HTT-AS: variants seen among roughly 807,000 people sequenced by gnomAD.
HTT-AS encodes HTT antisense RNA (head to head).
chr4:3,066,197 G>T (rs759021975), intron 1 of HTT-AS, among the ~76,000 whole-genome samples: 9 of 151,882 alleles, frequency 5.9e-5, no homozygotes, highest in African/African-American at 2.2e-4. Flanking sequence ...TTGAGGTGGC[G>T]TCTCACTCTG....
At chr4:3,061,095 C>A (rs562506963) in intron 2 of HTT-AS, among the ~76,000 whole-genome samples, 1 of 152,234 alleles carries the variant, frequency 6.6e-6, no homozygotes, top group African/African-American at 2.4e-5. Context: ...ATTTCCTTGG[C>A]ATGAGGCAAT....
At chr4:3,048,823 G>T (rs1448391701), downstream of HTT-AS, among the ~76,000 whole-genome samples, 1 of 152,246 alleles carries the variant, frequency 6.6e-6, no homozygotes, top group Non-Finnish European at 1.5e-5. Context: ...TCTAAACCAT[G>T]GAAAAGTGAT....
rs117437899 is a variant in HTT-AS at position 3,067,451 on chromosome 4, C to T, written n.114-3751G>A. Among the ~76,000 whole-genome samples the T allele has an allele frequency of 3.1e-4, 47 of 152,258 alleles. No individual in the cohort carries two copies. In the East Asian group the frequency reaches 6.6e-3, roughly 21 times the overall value. On this transcript the variant is annotated intron_variant and non_coding_transcript_variant, in intron 1 of 2. Coordinates refer to ENST00000664062, the Ensembl canonical transcript of HTT-AS. ...CAAACACCATCAACAATACACAGGA[C>T]AGGCATAAGATGCATTTAATGGGGA...
At chr4:3,051,453 T>A (rs1711702387) in intron 2 of HTT-AS, among the ~76,000 whole-genome samples, 1 of 152,040 alleles carries the variant, frequency 6.6e-6, no homozygotes, top group Non-Finnish European at 1.5e-5. Flanking sequence ...CTTTTGCCTG[T>A]GGTTCAATGA....
chr4:3,051,635 C>T (rs1033264281), intron 2 of HTT-AS, among the ~76,000 whole-genome samples: 1 of 135,814 alleles, frequency 7.4e-6, no homozygotes, highest in African/African-American at 2.6e-5. Flanking sequence ...TCTGTGTGTT[C>T]AAACTGGTTG....
chr4:3,050,627 T>C (rs1711684256), intron 2 of HTT-AS, among the ~76,000 whole-genome samples: 2 of 152,156 alleles, frequency 1.3e-5, no homozygotes, highest in Non-Finnish European at 2.9e-5. Context: ...AAAAACACAA[T>C]TGACAAGGAA....
downstream of HTT-AS, among the ~76,000 whole-genome samples, chr4:3,047,049 C>T (rs926991771): frequency 7.2e-5 from 11 of 152,196 alleles, no homozygotes; most frequent in Non-Finnish European, 1.3e-4. Context: ...CAGTGGCTTA[C>T]GCCTATAATC....
chr4:3,064,372 G>C (rs937811664), intron 1 of HTT-AS, among the ~76,000 whole-genome samples: 1 of 152,130 alleles, frequency 6.6e-6, no homozygotes, highest in Non-Finnish European at 1.5e-5. Flanking sequence ...GGGATTACAG[G>C]CATGAGCCAC....
chr4:3,051,035 T>A (rs936421658), intron 2 of HTT-AS, among the ~76,000 whole-genome samples: 3 of 118,084 alleles, frequency 2.5e-5, no homozygotes, highest in Admixed American at 2.4e-4. Context: ...ACAATTTGTG[T>A]GTGTGTGTGT....
chr4:3,067,178 C>T (rs1712072479), intron 1 of HTT-AS, among the ~76,000 whole-genome samples: 1 of 152,078 alleles, frequency 6.6e-6, no homozygotes, highest in Non-Finnish European at 1.5e-5. Flanking sequence ...GATGACACTA[C>T]CCAGAATAAG....
chr4:3,063,136 G>A (rs117821744), exon 2 of HTT-AS, among the ~76,000 whole-genome samples: 1 of 152,280 alleles, frequency 6.6e-6, no homozygotes, highest in East Asian at 1.9e-4. Context: ...GTGCTACAAA[G>A]GAAGGGAGGT....
chr4:3,047,982 G>C (rs1003591864), downstream of HTT-AS, among the ~76,000 whole-genome samples: 5 of 152,190 alleles, frequency 3.3e-5, no homozygotes, highest in Non-Finnish European at 7.4e-5. Context: ...TGACTTGCGT[G>C]ACCTGACCTA....
chr4:3,047,059 C>G (rs938242196), downstream of HTT-AS, among the ~76,000 whole-genome samples: 2 of 152,208 alleles, frequency 1.3e-5, no homozygotes, highest in Non-Finnish European at 2.9e-5. Flanking sequence ...CGCCTATAAT[C>G]CCAGCACTTT....
downstream of HTT-AS, among the ~76,000 whole-genome samples, chr4:3,047,108 G>A (rs1375274250): frequency 2.6e-5 from 4 of 152,146 alleles, no homozygotes; most frequent in Non-Finnish European, 4.4e-5. Flanking sequence ...TCAGGAGATC[G>A]AGACCATCCT....
At chr4:3,057,544 A>T (rs910174497) in intron 2 of HTT-AS, among the ~76,000 whole-genome samples, 2 of 152,222 alleles carry the variant, frequency 1.3e-5, no homozygotes, top group African/African-American at 2.4e-5. Flanking sequence ...AAGTAAGTTT[A>T]CTAAGAAAGC....
At chr4:3,068,068 G>A (rs1310205496) in intron 1 of HTT-AS, among the ~76,000 whole-genome samples, 1 of 152,132 alleles carries the variant, frequency 6.6e-6, no homozygotes, top group Non-Finnish European at 1.5e-5. Context: ...CACTTTGGGA[G>A]GCCGAGGCGG....
chr4:3,062,242 C>T (rs1021777976), intron 2 of HTT-AS, among the ~76,000 whole-genome samples: 3 of 152,114 alleles, frequency 2.0e-5, no homozygotes, highest in African/African-American at 7.2e-5. Flanking sequence ...TGTGTCCAGG[C>T]TGGTCTAAAA....
chr4:3,048,503 G>A (rs1303015252), downstream of HTT-AS, among the ~76,000 whole-genome samples: 1 of 152,000 alleles, frequency 6.6e-6, no homozygotes, highest in East Asian at 1.9e-4. Context: ...CCTTACCCAG[G>A]GTCCCTATAC....
intron 2 of HTT-AS, among the ~76,000 whole-genome samples, chr4:3,059,552 C>A (rs1711883404): frequency 6.6e-6 from 1 of 152,050 alleles, no homozygotes; most frequent in Non-Finnish European, 1.5e-5. Context: ...ATTAATGTTT[C>A]TACCAATTTT....
Sources: gnomAD v4.1 joint callset for allele counts (sites outside exome capture counted in the v4.1 genomes callset) on GRCh38, gnomAD v4.1.1 for gene constraint, MANE v1.5 for transcripts, NCBI Gene and HGNC (gene_info 2026-07-23, HGNC 2026-07-21) for gene names.